Variants in IQCM observed in about 807,000 individuals in gnomAD.
IQCM encodes IQ domain-containing protein M.
IQCM carries 45 observed loss-of-function variants against 57.6 expected under a neutral mutation model. That is an observed-to-expected ratio of 0.78 (90% CI 0.62 to 1.00). The LOEUF (loss-of-function observed/expected upper bound fraction) is 1.00. Ranked by LOEUF, IQCM falls within the 50% of genes least tolerant of loss-of-function variation. IQCM has a pLI of 0.00. For synonymous variants in IQCM, 148 were observed against 158.9 expected (o/e 0.93, Z 0.51); for missense variants, 468 against 511.6 (o/e 0.91, Z 0.82).
intron 8 of IQCM, among the ~76,000 whole-genome samples, chr4:149,592,170 C>T (rs1205978603): frequency 6.6e-6 from 1 of 152,156 alleles, no homozygotes; most frequent in Non-Finnish European, 1.5e-5. Flanking sequence ...GATGGTATCT[C>T]ATTGTGGTTT....
In IQCM at chr4:149,543,477, C is replaced by T. The variant is rs547504815; in HGVS notation, c.1228+4978G>A. 1.1e-4 allele frequency among the ~76,000 whole-genome samples: 16 copies of T among 150,524 alleles called. No individual in the cohort carries two copies. The South Asian group carries it at 2.1e-3, about 20-fold the overall frequency. On this transcript the variant is annotated intron_variant, in intron 12 of 13. Coordinates refer to ENST00000636793, the MANE Select transcript of IQCM (RefSeq NM_001363507.2). ...TGCGGTGTTTGGTTTTTTGTTCTTG[C>T]GATAGTTTACTGAGAATGATGATTT...
intron 2 of IQCM, among the ~76,000 whole-genome samples, chr4:149,752,095 A>G (rs1768503445): frequency 6.6e-6 from 1 of 152,312 alleles, no homozygotes; most frequent in East Asian, 1.9e-4. Flanking sequence ...CTTTAGAAAC[A>G]TGAAGAGTCC....
chr4:149,583,584 A>G (rs1056106151), intron 9 of IQCM, among the ~76,000 whole-genome samples: 54 of 151,632 alleles, frequency 3.6e-4, no homozygotes, highest in African/African-American at 1.2e-3. Flanking sequence ...ACTGCAAAAA[A>G]ATACATCAAA....
At chr4:149,511,574 T>C (rs1744426536) in intron 12 of IQCM, among the ~76,000 whole-genome samples, 1 of 147,232 alleles carries the variant, frequency 6.8e-6, no homozygotes, top group African/African-American at 2.5e-5. Context: ...TAAATAAATA[T>C]TAAACATTTA....
intron 2 of IQCM, among the ~76,000 whole-genome samples, chr4:149,781,495 T>G (rs1433084933): frequency 6.6e-6 from 1 of 152,206 alleles, no homozygotes; most frequent in Non-Finnish European, 1.5e-5. Flanking sequence ...ACGCTTGTGT[T>G]CAAGTAACCT....
intron 13 of IQCM, among the ~76,000 whole-genome samples, chr4:149,391,850 T>C (rs953076683): frequency 1.3e-5 from 2 of 152,028 alleles, no homozygotes; most frequent in African/African-American, 4.8e-5. Flanking sequence ...TTTTGTCTGA[T>C]TTTGATCCTT....
intron 12 of IQCM, among the ~76,000 whole-genome samples, chr4:149,473,500 C>A (rs1405658428): frequency 2.0e-5 from 3 of 152,072 alleles, no homozygotes; most frequent in Admixed American, 2.0e-4. Context: ...GATGTGGAGA[C>A]ATAGGAACAG....
intron 13 of IQCM, among the ~76,000 whole-genome samples, chr4:149,370,930 G>C (rs1730327379): frequency 6.7e-6 from 1 of 149,818 alleles, no homozygotes; most frequent in African/African-American, 2.4e-5. Flanking sequence ...GTGTATCTAA[G>C]ATATAACCAG....
chr4:149,457,804 C>T (rs1047526432), intron 12 of IQCM, among the ~76,000 whole-genome samples: 3 of 152,026 alleles, frequency 2.0e-5, no homozygotes, highest in Non-Finnish European at 2.9e-5. Context: ...AGCAATCACG[C>T]TCCCTTTTGG....
intron 10 of IQCM, among the ~76,000 whole-genome samples, chr4:149,559,952 C>T (rs574893715): frequency 1.6e-3 from 250 of 152,244 alleles, no homozygotes; most frequent in African/African-American, 5.8e-3. Context: ...TGCAGGGGAT[C>T]CAGGTTGTGT....
intron 5 of IQCM, among the ~76,000 whole-genome samples, chr4:149,709,927 A>G (rs966779150): frequency 6.6e-6 from 1 of 152,172 alleles, no homozygotes; most frequent in African/African-American, 2.4e-5. Context: ...AATTCACTAC[A>G]GTTTCAAGAA....
intron 12 of IQCM, among the ~76,000 whole-genome samples, chr4:149,529,953 T>C (rs891226549): frequency 2.0e-5 from 3 of 152,194 alleles, no homozygotes; most frequent in African/African-American, 7.2e-5. Context: ...CACTGTTGTT[T>C]CCTTTCACCA....
chr4:149,642,945 G>T (rs189565049), intron 7 of IQCM, among the ~76,000 whole-genome samples: 1 of 152,088 alleles, frequency 6.6e-6, no homozygotes, highest in Non-Finnish European at 1.5e-5. Flanking sequence ...CCCTAGAGTG[G>T]TTTACATTCT....
rs534457529 is a variant in IQCM at position 149,688,689 on chromosome 4, C to T, written c.386-2221G>A. On this transcript the variant is annotated intron_variant, in intron 5 of 13. Coordinates refer to ENST00000636793, the MANE Select transcript of IQCM (RefSeq NM_001363507.2). ...GAACAAATCTGGAGGCATCAGACTA[C>T]CTGATTTCAAACTATACTATAAGGC... Among the ~76,000 whole-genome samples the T allele has an allele frequency of 5.4e-4, 82 of 152,096 alleles. 1 individual carries two copies. In the South Asian group the frequency reaches 0.015, roughly 28 times the overall value.
intron 5 of IQCM, among the ~76,000 whole-genome samples, chr4:149,707,462 C>T (rs75047051): frequency 2.0e-5 from 3 of 151,952 alleles, no homozygotes; most frequent in East Asian, 1.9e-4. Flanking sequence ...GGGTCTGCCA[C>T]GAATGTGAGG....
At chr4:149,541,680 G>A (rs1747865288) in intron 12 of IQCM, among the ~76,000 whole-genome samples, 1 of 151,906 alleles carries the variant, frequency 6.6e-6, no homozygotes, top group Admixed American at 6.6e-5. Flanking sequence ...GCCTGAAGTT[G>A]CTTCATTCTC....
At chr4:149,621,305 A>T (rs1370005696) in intron 7 of IQCM, 61 bp from the exon 8 acceptor site, 1 of 703,724 alleles carries the variant, frequency 1.4e-6, no homozygotes, top group Non-Finnish European at 2.0e-6. Context: ...CACACTGATT[A>T]TATTGCTTAA....
At chr4:149,366,201 G>A (rs1936430122) in intron 13 of IQCM, among the ~76,000 whole-genome samples, 1 of 151,952 alleles carries the variant, frequency 6.6e-6, no homozygotes, top group Non-Finnish European at 1.5e-5. Context: ...AAATACAAAA[G>A]AAAATATCAT....
At chr4:149,582,008 T>G (rs568170894) in intron 9 of IQCM, among the ~76,000 whole-genome samples, 1 of 151,598 alleles carries the variant, frequency 6.6e-6, no homozygotes, top group East Asian at 2.0e-4. Context: ...TGTTTTTGTT[T>G]TTTATTTTTT....
Sources: gnomAD v4.1 joint callset for allele counts (sites outside exome capture counted in the v4.1 genomes callset) on GRCh38, gnomAD v4.1.1 for gene constraint, MANE v1.5 for transcripts, NCBI Gene and HGNC (gene_info 2026-07-23, HGNC 2026-07-21) for gene names.